GRM4: variants seen among roughly 807,000 people sequenced by gnomAD.
GRM4 encodes metabotropic glutamate receptor 4.
GRM4 carries 28 observed loss-of-function variants against 81.7 expected under a neutral mutation model. The ratio of observed to expected loss-of-function variants is 0.34; its 90% confidence interval spans 0.25 to 0.47. The LOEUF (loss-of-function observed/expected upper bound fraction) is 0.47, where lower values mean the gene tolerates loss of function less well. Among genes scored for constraint, GRM4 ranks in the 20% least tolerant of loss-of-function variants. GRM4 has a pLI of 1.00. For missense variants in GRM4, 948 were observed against 1,290.0 expected, an observed-to-expected ratio of 0.73 and a Z score of 4.06; for synonymous variants, 488 against 528.8, an observed-to-expected ratio of 0.92 and a Z score of 1.06.
At chr6:34,026,862 G>T (rs60279188) in intron 10 of GRM4, among the ~76,000 whole-genome samples, 25,475 of 152,182 alleles carry the variant, frequency 0.17, 5,413 homozygotes, top group African/African-American at 0.5. Flanking sequence ...TGACAGACCT[G>T]CTCCTGCACG....
upstream of GRM4, among the ~76,000 whole-genome samples, chr6:34,149,302 C>CCAT (rs1316753011): frequency 2.6e-5 from 4 of 152,338 alleles, no homozygotes; most frequent in East Asian, 7.7e-4. Flanking sequence ...GCTGACCCAG[C>CCAT]CATCACCTCA....
At position 34,121,739 on chromosome 6, in the gene GRM4, G is replaced by A. The variant is rs760567779; in HGVS notation, c.519+11239C>T. ...GAAACTGAGGCCTGGAGACAACTGAGGTCCAGGAATGAAGGAATGGGAGGA... is the reference window on the plus strand; with the variant it reads ...GAAACTGAGGCCTGGAGACAACTGAAGTCCAGGAATGAAGGAATGGGAGGA... On this transcript the variant is annotated intron_variant, in intron 2 of 10. Coordinates refer to ENST00000538487, the MANE Select transcript of GRM4 (RefSeq NM_000841.4). This position sits in a 1 kb window ranked among gnomAD's most constrained non-coding sequence, Gnocchi z 4.6. Among the ~76,000 whole-genome samples the A allele has an allele frequency of 4.6e-5, 7 of 152,118 alleles. No homozygotes were observed. Among genetic ancestry groups the A allele is most frequent in the Admixed American group, 2.0e-4 (3 of 15,276 alleles).
intron 3 of GRM4, among the ~76,000 whole-genome samples, chr6:34,072,583 TCA>T (rs1384400413): frequency 4.9e-5 from 6 of 122,366 alleles, no homozygotes; most frequent in East Asian, 2.7e-4. Context: ...CACACACATA[TCA>T]CACAGATACA....
rs2451381 is a variant in GRM4 at position 34,035,559 on chromosome 6, T to A, written c.2442+109A>T. 0.16 allele frequency: 94,503 copies of A among 577,166 alleles called. 10,755 individuals are homozygous for A. Among genetic ancestry groups the A allele is most frequent in the East Asian group, 0.27 (8,730 of 31,826 alleles). 35.8% of individuals were successfully genotyped at this position (577,166 alleles called of 1,614,324 possible). Reference sequence around the variant, plus strand: ...GCAAGAAAGAAGGCAGAATGAGGCATGAAAGAAGGCATTTCTGGAGCAGGG... The same window carrying A: ...GCAAGAAAGAAGGCAGAATGAGGCAAGAAAGAAGGCATTTCTGGAGCAGGG... On this transcript the variant is annotated intron_variant, in intron 9 of 10. Coordinates refer to ENST00000538487, the MANE Select transcript of GRM4 (RefSeq NM_000841.4). This position sits in a 1 kb window ranked among gnomAD's most constrained non-coding sequence, Gnocchi z 6.6.
intron 2 of GRM4, among the ~76,000 whole-genome samples, chr6:34,131,808 C>T (rs548169467): frequency 3.0e-4 from 45 of 152,334 alleles, no homozygotes; most frequent in African/African-American, 1.1e-3. Flanking sequence ...CAGTCTACTT[C>T]CTAGCCCTGG....
At chr6:34,029,080 C>T (rs1002698931) in intron 9 of GRM4, among the ~76,000 whole-genome samples, 16 of 152,190 alleles carry the variant, frequency 1.1e-4, no homozygotes, top group African/African-American at 1.4e-4. Context: ...AGGCAGGGTC[C>T]GGCAATTCCC....
intron 3 of GRM4, among the ~76,000 whole-genome samples, chr6:34,076,316 CT>C (rs1430468949): frequency 2.0e-5 from 3 of 152,232 alleles, no homozygotes; most frequent in Admixed American, 6.5e-5. Context: ...TGAAGTCCCC[CT>C]GGACCCTTCT....
At position 34,020,899 on chromosome 6, in the gene GRM4, C is replaced by T. The variant is rs1763848967; in HGVS notation, c.*1922G>A. ...ACTCTGTCCCTGCGTGGCCCCCTGC[C>T]TAGGGTTCCTCCAGTCCCTTCCACT... is the stretch of plus-strand genomic sequence containing the variant. On this transcript the variant is annotated 3_prime_UTR_variant, in exon 11 of 11. Coordinates refer to ENST00000538487, the MANE Select transcript of GRM4 (RefSeq NM_000841.4). The T allele has an allele frequency of 1.3e-5, 2 of 152,346 alleles. No individual in the cohort carries two copies. The highest frequency in any genetic ancestry group is 4.1e-4 in the South Asian group (2 of 4,836). 9.4% of individuals were successfully genotyped at this position (152,346 alleles called of 1,614,324 possible).
intron 3 of GRM4, among the ~76,000 whole-genome samples, chr6:34,083,051 G>T (rs1767686101): frequency 1.3e-5 from 2 of 152,220 alleles, no homozygotes; most frequent in African/African-American, 2.4e-5. Flanking sequence ...GAAAGAAAAT[G>T]TTGCTTCCTG....
Position 34,146,040 on chromosome 6 carries a change from G to T in GRM4, c.-404C>A, listed in dbSNP as rs1037078564. Reference sequence around the variant, plus strand: ...GGGACCCCTTCTCACCCCAGAGGGGGAGGGTCAGGAACATAGCCTCCCTAA... The same window carrying T: ...GGGACCCCTTCTCACCCCAGAGGGGTAGGGTCAGGAACATAGCCTCCCTAA... On this transcript the variant is annotated 5_prime_UTR_variant, in exon 1 of 11. Transcript: ENST00000538487. 8.1e-6 allele frequency: 8 copies of T among 985,272 alleles called. No individual in the cohort carries two copies. The highest frequency in any genetic ancestry group is 1.2e-6 in the Non-Finnish European group (1 of 829,946). The allele number at this position is 985,272 out of a possible 1,614,324, so 61.0% of individuals were successfully genotyped here. A position where few individuals can be genotyped will look rare whatever the true frequency, so the allele number is the denominator to read the frequency against.
intron 6 of GRM4, among the ~76,000 whole-genome samples, chr6:34,044,515 GACAT>G (rs1217818669): frequency 1.5e-4 from 20 of 133,162 alleles, no homozygotes; most frequent in Middle Eastern, 5.6e-3. Flanking sequence ...TACACACACA[GACAT>G]ACATACATAC....
rs142384580 is a variant in GRM4, at chr6:34,036,313, G to A, written c.1797C>T (p.Ile599=). 4.3e-6 allele frequency: 7 copies of A among 1,613,936 alleles called. No individual in the cohort carries two copies. The African/African-American group carries it at 5.3e-5, about 12-fold the overall frequency. The change falls in exon 9 of 11, where the codon ATC becomes ATT. Residue 599 remains isoleucine (I), a synonymous_variant. Coordinates refer to ENST00000538487, the MANE Select transcript of GRM4 (RefSeq NM_000841.4). The surrounding 1 kb of genome is among the most constrained non-coding windows in gnomAD (Gnocchi z 9.0). ...VLPLFLAVVG[I]AATLFVVITF... The stretch of plus-strand genomic sequence containing the variant: ...TGATCACCACGAACAACGTGGCAGC[G>A]ATGCCCACCACGGCCAGGAAGAGGG...
chr6:34,107,372 G>A (rs1404985575), intron 2 of GRM4, among the ~76,000 whole-genome samples: 1 of 152,146 alleles, frequency 6.6e-6, no homozygotes, highest in Non-Finnish European at 1.5e-5. Context: ...CTATGTGCCT[G>A]GCGCCATGGC....
At chr6:34,098,076 G>A (rs1581693031) in intron 2 of GRM4, among the ~76,000 whole-genome samples, 1 of 152,210 alleles carries the variant, frequency 6.6e-6, no homozygotes, top group African/African-American at 2.4e-5. Context: ...AGGCAATCAA[G>A]TGAACTCTCT....
intron 3 of GRM4, among the ~76,000 whole-genome samples, chr6:34,083,912 C>T (rs1399017190): frequency 6.6e-6 from 1 of 152,202 alleles, no homozygotes; most frequent in Non-Finnish European, 1.5e-5. Context: ...TGCCACCATG[C>T]AATTGGCCCC....
intron 2 of GRM4, among the ~76,000 whole-genome samples, chr6:34,125,827 C>T (rs1464797846): frequency 1.3e-5 from 2 of 152,242 alleles, no homozygotes; most frequent in African/African-American, 2.4e-5. Context: ...GAGAGACTAT[C>T]TCGGCAGGGG....
rs1023054375 is a variant in GRM4, at chr6:34,023,698, G to A, written c.2690-828C>T. On this transcript the variant is annotated intron_variant, in intron 10 of 10. Transcript: ENST00000538487. ...CTCCCATTCCTGTCCACAGCTGAGTGACGCCAGCAGCTCTCATGAGCAGTG... is the reference window on the plus strand; with the variant it reads ...CTCCCATTCCTGTCCACAGCTGAGTAACGCCAGCAGCTCTCATGAGCAGTG... 5.9e-5 allele frequency among the ~76,000 whole-genome samples: 9 copies of A among 152,292 alleles called. 1 individual carries two copies. Among genetic ancestry groups the A allele is most frequent in the Admixed American group, 2.0e-4 (3 of 15,302 alleles).
chr6:34,144,300 G>A (rs949208313), intron 1 of GRM4, among the ~76,000 whole-genome samples: 7 of 152,028 alleles, frequency 4.6e-5, no homozygotes, highest in South Asian at 2.1e-4. Flanking sequence ...GGGAGGAGAC[G>A]CCTCCCACCT....
intron 10 of GRM4, among the ~76,000 whole-genome samples, chr6:34,027,078 T>C (rs371473452): frequency 1.3e-5 from 2 of 152,046 alleles, no homozygotes; most frequent in African/African-American, 4.8e-5. Flanking sequence ...TTCCCCGCTC[T>C]GCATGGGGGC....
Sources: allele counts gnomAD v4.1 joint callset (sites outside exome capture counted in the v4.1 genomes callset), GRCh38; gene constraint gnomAD v4.1.1; non-coding constraint Gnocchi (gnomAD v3.1); transcripts MANE v1.5; gene names NCBI Gene and HGNC (gene_info 2026-07-23, HGNC 2026-07-21).